The following GSG1L variants were observed in gnomAD, a reference collection of about 807,000 sequenced individuals.
The protein encoded by GSG1L is GSG1 like.
GSG1L carries 24 observed loss-of-function variants against 42.1 expected under a neutral mutation model. The observed-to-expected ratio is 0.57, with a 90% confidence interval of 0.41 to 0.80. The LOEUF (loss-of-function observed/expected upper bound fraction) is 0.80, where lower values mean the gene tolerates loss of function less well. GSG1L is among the 30% of genes least tolerant of loss of function. GSG1L has a pLI of 0.00. For synonymous variants in GSG1L, 215 were observed against 203.5 expected, an observed-to-expected ratio of 1.06 and a Z score of -0.48; for missense variants, 445 against 472.2, an observed-to-expected ratio of 0.94 and a Z score of 0.53.
chr16:28,010,161 C>T (rs2085698362), intron 1 of GSG1L, among the ~76,000 whole-genome samples: 2 of 152,262 alleles, frequency 1.3e-5, no homozygotes, highest in South Asian at 4.1e-4. Context: ...CCAGATGCAC[C>T]GTGTCACCTG....
intron 1 of GSG1L, among the ~76,000 whole-genome samples, chr16:28,058,592 T>C (rs565395326): frequency 2.1e-5 from 3 of 139,888 alleles, no homozygotes; most frequent in South Asian, 4.4e-4. Context: ...CACAACACTG[T>C]ACTCCAGCCT....
chr16:27,855,231 T>C (rs1019989006), intron 3 of GSG1L, among the ~76,000 whole-genome samples: 3 of 152,000 alleles, frequency 2.0e-5, no homozygotes, highest in Non-Finnish European at 4.4e-5. Context: ...TCTCCTTTGA[T>C]CCCCACAACA....
At chr16:27,803,660 C>T (rs1291160113) in intron 6 of GSG1L, among the ~76,000 whole-genome samples, 1 of 151,812 alleles carries the variant, frequency 6.6e-6, no homozygotes, top group Non-Finnish European at 1.5e-5. Context: ...ATCATGTCTC[C>T]CAAGAACGAC....
intron 1 of GSG1L, among the ~76,000 whole-genome samples, chr16:28,052,846 A>C (rs1464909028): frequency 6.6e-6 from 1 of 152,198 alleles, no homozygotes; most frequent in African/African-American, 2.4e-5. Context: ...ATGTGGAGAG[A>C]TCCACCAAGC....
intron 6 of GSG1L, among the ~76,000 whole-genome samples, chr16:27,803,899 GTAGA>G (rs1249856778): frequency 2.0e-5 from 3 of 150,972 alleles, no homozygotes; most frequent in Non-Finnish European, 4.4e-5. Context: ...AGATAAATAG[GTAGA>G]TAGATGACAC....
At chr16:27,903,377 G>A (rs2084285031) in intron 2 of GSG1L, among the ~76,000 whole-genome samples, 1 of 152,150 alleles carries the variant, frequency 6.6e-6, no homozygotes, top group African/African-American at 2.4e-5. Flanking sequence ...ACTTCTGCAG[G>A]GCTCCCTGGA....
chr16:28,024,144 C>T (rs2085875624), intron 1 of GSG1L, among the ~76,000 whole-genome samples: 1 of 152,222 alleles, frequency 6.6e-6, no homozygotes, highest in Admixed American at 6.5e-5. Flanking sequence ...TCCTTAACCA[C>T]CACGTGCTCC....
At chr16:27,988,348 G>A (rs1437187222) in intron 1 of GSG1L, among the ~76,000 whole-genome samples, 1 of 145,854 alleles carries the variant, frequency 6.9e-6, no homozygotes, top group Non-Finnish European at 1.5e-5. Context: ...TATAAAGAAA[G>A]CAAAATGTAT....
intron 1 of GSG1L, among the ~76,000 whole-genome samples, chr16:28,007,783 T>G (rs1398304360): frequency 6.6e-6 from 1 of 152,142 alleles, no homozygotes; most frequent in African/African-American, 2.4e-5. Flanking sequence ...CCCAAAGTGC[T>G]GGGATGACAG....
chr16:27,955,374 T>C lies in GSG1L; in HGVS notation c.397+7782A>G, dbSNP rs548828536. Among the ~76,000 whole-genome samples, 4 of 151,224 alleles carry C rather than the reference T, an allele frequency of 2.6e-5. No homozygotes were observed. The South Asian group carries it at 8.4e-4, about 32-fold the overall frequency. On this transcript the variant is annotated intron_variant, in intron 2 of 6. Transcript: ENST00000447459. The stretch of plus-strand genomic sequence containing the variant: ...GAAATATAAAAATTGAATAAATATC[T>C]GAGGAATAAATAAAAAGGCAAATAA...
intron 5 of GSG1L, among the ~76,000 whole-genome samples, chr16:27,814,368 T>G (rs1402246380): frequency 1.3e-5 from 2 of 152,146 alleles, no homozygotes; most frequent in Non-Finnish European, 2.9e-5. Flanking sequence ...CACCTTGGCC[T>G]TCCAAAAAGC....
chr16:27,824,533 G>T (rs1385699123), intron 5 of GSG1L, among the ~76,000 whole-genome samples: 1 of 130,862 alleles, frequency 7.6e-6, no homozygotes. Flanking sequence ...TGAGCTCTTT[G>T]TAGGGAAAGC....
At chr16:27,858,101 T>C (rs182639699) in intron 3 of GSG1L, among the ~76,000 whole-genome samples, 3 of 152,310 alleles carry the variant, frequency 2.0e-5, no homozygotes, top group Admixed American at 2.0e-4. Flanking sequence ...GCTAGTTAAG[T>C]TTTAAGTGCT....
chr16:27,843,242 T>G (rs936671727), intron 4 of GSG1L, among the ~76,000 whole-genome samples: 1 of 152,136 alleles, frequency 6.6e-6, no homozygotes, highest in South Asian at 2.1e-4. Context: ...CTGAAGAGAC[T>G]TCCCCTACTT....
intron 1 of GSG1L, among the ~76,000 whole-genome samples, chr16:28,010,390 T>C (rs1038828806): frequency 6.6e-6 from 1 of 152,148 alleles, no homozygotes; most frequent in Non-Finnish European, 1.5e-5. Flanking sequence ...CAGCATGCAC[T>C]GTGGGGGGAT....
At chr16:27,946,598 AGAGAGAGAGAGAGAGAGAGAGAG>A (rs2084866475) in intron 2 of GSG1L, among the ~76,000 whole-genome samples, 1 of 6,714 alleles carries the variant, frequency 1.5e-4, no homozygotes, top group African/African-American at 5.8e-4. Flanking sequence ...AGAGAGAGAG[AGAGAGAGAGAGAGAGAGAGAGAG>A]AGAGAGAGAG....
At chr16:27,897,989 A>T (rs912130559) in intron 2 of GSG1L, among the ~76,000 whole-genome samples, 1 of 152,168 alleles carries the variant, frequency 6.6e-6, no homozygotes, top group Non-Finnish European at 1.5e-5. Flanking sequence ...TTTCTCCTCC[A>T]CACTCAACAA....
At chr16:27,826,814 G>T (rs2083214952) in intron 5 of GSG1L, among the ~76,000 whole-genome samples, 1 of 152,222 alleles carries the variant, frequency 6.6e-6, no homozygotes, top group African/African-American at 2.4e-5. Flanking sequence ...AAGGCTGAGA[G>T]TCACATGGAC....
intron 2 of GSG1L, among the ~76,000 whole-genome samples, chr16:27,901,215 A>G (rs899926325): frequency 6.6e-6 from 1 of 152,216 alleles, no homozygotes; most frequent in Non-Finnish European, 1.5e-5. Flanking sequence ...TGCACGTCTA[A>G]TAACTACAAT....
Sources: gnomAD v4.1 joint callset for allele counts (sites outside exome capture counted in the v4.1 genomes callset) on GRCh38, gnomAD v4.1.1 for gene constraint, MANE v1.5 for transcripts, NCBI Gene and HGNC (gene_info 2026-07-23, HGNC 2026-07-21) for gene names.